Variants in NLN observed in about 807,000 individuals in gnomAD.
The protein encoded by NLN is neurolysin, mitochondrial.
A neutral mutation model predicts 79.9 loss-of-function variants in NLN; 64 were observed. The ratio of observed to expected loss-of-function variants is 0.80; its 90% confidence interval spans 0.65 to 0.99. The LOEUF is 0.99. Among genes scored for constraint, NLN ranks in the 50% least tolerant of loss-of-function variants. The probability of loss-of-function intolerance (pLI) is 0.00; values close to 1 mark genes in which losing one functional copy is unlikely to be tolerated. For synonymous variants in NLN, 267 were observed against 296.6 expected (o/e 0.90, Z 1.02); for missense variants, 835 against 858.7 (o/e 0.97, Z 0.34).
intron 1 of NLN, among the ~76,000 whole-genome samples, chr5:65,728,565 C>T (rs1403527819): frequency 6.6e-6 from 1 of 152,154 alleles, no homozygotes; most frequent in Non-Finnish European, 1.5e-5. Flanking sequence ...AAATTATAAC[C>T]TTACCAGGTG....
intron 1 of NLN, among the ~76,000 whole-genome samples, chr5:65,746,151 TGAAAA>T (rs761707720): frequency 9.9e-5 from 15 of 151,404 alleles, no homozygotes; most frequent in Admixed American, 3.3e-4. Flanking sequence ...GTGTGCAAGA[TGAAAA>T]GAAAAGAGGC....
intron 9 of NLN, among the ~76,000 whole-genome samples, chr5:65,805,902 T>G (rs768260251): frequency 6.6e-6 from 1 of 152,242 alleles, no homozygotes; most frequent in East Asian, 1.9e-4. Flanking sequence ...TTAATGCAGC[T>G]GGTGACTTGA....
At chr5:65,739,023 A>AT (rs1758812765) in intron 1 of NLN, among the ~76,000 whole-genome samples, 1 of 141,390 alleles carries the variant, frequency 7.1e-6, no homozygotes, top group African/African-American at 2.6e-5. Context: ...TATATATATA[A>AT]ATATATAATA....
chr5:65,758,596 T>C lies in NLN; in HGVS notation c.71T>C (p.Met24Thr), dbSNP rs555372750. 4.8e-5 allele frequency: 77 copies of C among 1,610,570 alleles called. No homozygotes were observed. The South Asian group carries it at 8.5e-4, about 18-fold the overall frequency. The change falls in exon 2 of 13, where the codon ATG becomes ACG. Residue 24 changes from methionine to threonine, a missense_variant. Met to Thr is a moderately conservative substitution (Grantham distance 81). Coordinates refer to ENST00000380985, the MANE Select transcript of NLN (RefSeq NM_020726.5). The part of the protein sequence containing the change: ...RVGGSRILLR[M>T]TLGREVMSPL... Reference sequence around the variant, plus strand: ...GGTGGTTCCAGGATTTTACTCAGAATGACGTTAGGAAGAGAAGTGATGTCT... The same window carrying C: ...GGTGGTTCCAGGATTTTACTCAGAACGACGTTAGGAAGAGAAGTGATGTCT...
At chr5:65,772,696 G>T (rs1260026146) in intron 3 of NLN, among the ~76,000 whole-genome samples, 3 of 150,670 alleles carry the variant, frequency 2.0e-5, no homozygotes, top group Non-Finnish European at 4.4e-5. Flanking sequence ...TTGGTTTTGG[G>T]GTTTTTGTTT....
At chr5:65,820,716 G>GTTTTTT (rs71774741) in intron 12 of NLN, among the ~76,000 whole-genome samples, 1 of 128,986 alleles carries the variant, frequency 7.8e-6, no homozygotes, top group Non-Finnish European at 1.8e-5. Flanking sequence ...GAAATGACAT[G>GTTTTTT]TTTTTTTTTG....
chr5:65,745,137 A>G (rs2150739677), intron 1 of NLN, among the ~76,000 whole-genome samples: 1 of 152,304 alleles, frequency 6.6e-6, no homozygotes, highest in South Asian at 2.1e-4. Flanking sequence ...GCCCAAGTCT[A>G]TGTGACCTGT....
intron 1 of NLN, among the ~76,000 whole-genome samples, chr5:65,737,212 A>G (rs1758746554): frequency 6.6e-6 from 1 of 152,178 alleles, no homozygotes; most frequent in Admixed American, 6.5e-5. Context: ...TGTGGATAAG[A>G]CAGAAACTGC....
At chr5:65,800,012 G>A (rs1228805064) in intron 9 of NLN, among the ~76,000 whole-genome samples, 1 of 152,230 alleles carries the variant, frequency 6.6e-6, no homozygotes, top group Non-Finnish European at 1.5e-5. Context: ...TGACTGCTAA[G>A]AAATCAGTAC....
intron 1 of NLN, among the ~76,000 whole-genome samples, chr5:65,754,128 A>T (rs774487358): frequency 1.4e-4 from 22 of 152,184 alleles, no homozygotes; most frequent in Non-Finnish European, 2.9e-4. Flanking sequence ...ACCCCATTCT[A>T]ACTGATTTCA....
chr5:65,745,922 A>G (rs252651), intron 1 of NLN, among the ~76,000 whole-genome samples: 81,315 of 151,958 alleles, frequency 0.54, 22,125 homozygotes, highest in South Asian at 0.6. Context: ...TTGAGATAAG[A>G]AATAAAGAAG....
At chr5:65,802,277 C>T (rs767304898) in intron 9 of NLN, among the ~76,000 whole-genome samples, 4 of 152,242 alleles carry the variant, frequency 2.6e-5, no homozygotes, top group Admixed American at 6.5e-5. Flanking sequence ...CCACTGCACA[C>T]AGCCAGGCAT....
chr5:65,775,628 A>G (rs1759664308), intron 3 of NLN, among the ~76,000 whole-genome samples: 1 of 152,158 alleles, frequency 6.6e-6, no homozygotes, highest in Admixed American at 6.5e-5. Context: ...TGGCGCTACT[A>G]AAGGCAGCCT....
At chr5:65,788,623 G>A (rs1267607373) in intron 8 of NLN, 139 bp downstream of exon 8, 1 of 882,104 alleles carries the variant, frequency 1.1e-6, no homozygotes, top group African/African-American at 1.7e-5. Context: ...ATTGCTTGAG[G>A]CTAGGAGTTC....
At position 65,733,437 on chromosome 5, in the gene NLN, G is replaced by A. The variant is rs1404534392; in HGVS notation, c.41+11023G>A. 21 of 1,467,064 alleles carry A rather than the reference G, an allele frequency of 1.4e-5. 3 individuals are homozygous for A. Among genetic ancestry groups the A allele is most frequent in the African/African-American group, 4.5e-5 (3 of 66,432 alleles). The allele number at this position is 1,467,064 out of a possible 1,614,324, so 90.9% of individuals were successfully genotyped here. Reference sequence around the variant, plus strand: ...GAAAGACCTGCTGTGTCACACAGGCGGGCTGAGCAAGTTAGGCCTGGAATT... The same window carrying A: ...GAAAGACCTGCTGTGTCACACAGGCAGGCTGAGCAAGTTAGGCCTGGAATT... On this transcript the variant is annotated intron_variant, in intron 1 of 12. Transcript: ENST00000380985.
intron 5 of NLN, 101 bp downstream of exon 5, chr5:65,780,382 G>C: frequency 1.8e-6 from 1 of 558,034 alleles, no homozygotes; most frequent in Non-Finnish European, 3.2e-6. Flanking sequence ...CTAAATCATA[G>C]TTCAAATAAT....
At chr5:65,764,587 C>G (rs1392085961) in intron 3 of NLN, among the ~76,000 whole-genome samples, 1 of 152,178 alleles carries the variant, frequency 6.6e-6, no homozygotes. Flanking sequence ...AACTTGGGAA[C>G]AAATTGCTGA....
chr5:65,799,035 C>T (rs115290932), intron 9 of NLN, among the ~76,000 whole-genome samples: 1,852 of 152,214 alleles, frequency 0.012, 37 homozygotes, highest in African/African-American at 0.04. Flanking sequence ...GCATGTACCA[C>T]TACACCAGGG....
At chr5:65,741,243 T>A (rs1758863409) in intron 1 of NLN, among the ~76,000 whole-genome samples, 1 of 152,190 alleles carries the variant, frequency 6.6e-6, no homozygotes, top group African/African-American at 2.4e-5. Flanking sequence ...ATTGCTTTGG[T>A]TATTTGGAAC....
Sources: gnomAD v4.1 joint callset for allele counts (sites outside exome capture counted in the v4.1 genomes callset) on GRCh38, gnomAD v4.1.1 for gene constraint, MANE v1.5 for transcripts, NCBI Gene and HGNC (gene_info 2026-07-23, HGNC 2026-07-21) for gene names.